The following KCNAB2 variants were observed in gnomAD, a reference collection of about 807,000 sequenced individuals.
KCNAB2 encodes the protein voltage-gated potassium channel subunit beta-2.
Under a neutral mutation model 63.6 loss-of-function variants are expected in KCNAB2, and 29 were observed. The ratio of observed to expected loss-of-function variants is 0.46; its 90% confidence interval spans 0.34 to 0.62. The LOEUF is 0.62. Among genes scored for constraint, KCNAB2 ranks in the 20% least tolerant of loss-of-function variants. KCNAB2 has a pLI of 0.01. For synonymous variants in KCNAB2, 222 were observed against 224.2 expected (o/e 0.99, Z 0.09); for missense variants, 359 against 563.9 (o/e 0.64, Z 3.68).
At chr1:6,042,735 A>C (rs1660594835), upstream of KCNAB2, among the ~76,000 whole-genome samples, 1 of 152,024 alleles carries the variant, frequency 6.6e-6, no homozygotes, top group African/African-American at 2.4e-5. Flanking sequence ...TCGGACCCGG[A>C]CATCTGGTAA....
At chr1:6,058,333 C>T (rs1662014677) in intron 2 of KCNAB2, among the ~76,000 whole-genome samples, 2 of 152,152 alleles carry the variant, frequency 1.3e-5, no homozygotes, top group Admixed American at 1.3e-4. Context: ...TGCCACAGGC[C>T]CCAAGGATTG....
chr1:6,095,364 C>T lies in KCNAB2; in HGVS notation c.774C>T (p.Pro258=). Residue 258 remains proline, a synonymous_variant, in exon 12 of 16, where the codon CCC becomes CCT. Coordinates refer to ENST00000378083, the MANE Select transcript of KCNAB2 (RefSeq NM_001199862.2). Reference sequence around the variant, plus strand: ...CCCGGCAGTTCAACCTGACCCCGCCCATCTGCGAGCAGGCTGAGTACCACA... The same window carrying T: ...CCCGGCAGTTCAACCTGACCCCGCCTATCTGCGAGCAGGCTGAGTACCACA... ...SVARQFNLTP[P]ICEQAEYHMF... 6.2e-7 allele frequency: 1 copy of T among 1,613,030 alleles called. No individual in the cohort carries two copies. The highest frequency in any genetic ancestry group is 8.5e-7 in the Non-Finnish European group (1 of 1,180,008).
At chr1:6,019,770 C>A (rs1399753185) in intron 1 of KCNAB2, among the ~76,000 whole-genome samples, 1 of 152,178 alleles carries the variant, frequency 6.6e-6, no homozygotes, top group Non-Finnish European at 1.5e-5. Context: ...AAGTCAGAAA[C>A]CTTGTGTGGA....
At chr1:6,004,231 T>G (rs1185473909) in intron 1 of KCNAB2, among the ~76,000 whole-genome samples, 1 of 151,818 alleles carries the variant, frequency 6.6e-6, no homozygotes, top group Non-Finnish European at 1.5e-5. Context: ...TAGAGGGTTT[T>G]TTTTTTTTTT....
chr1:6,045,031 T>C (rs1276010738), upstream of KCNAB2, among the ~76,000 whole-genome samples: 1 of 152,152 alleles, frequency 6.6e-6, no homozygotes, highest in Non-Finnish European at 1.5e-5. This position sits in a 1 kb window ranked among gnomAD's most constrained non-coding sequence, Gnocchi z 4.8. Context: ...AGAGTGGGCT[T>C]GGGCCTTTGG....
chr1:6,045,499 T>C (rs1660840662), upstream of KCNAB2, among the ~76,000 whole-genome samples: 1 of 152,096 alleles, frequency 6.6e-6, no homozygotes, highest in South Asian at 2.1e-4. The surrounding 1 kb of genome is among the most constrained non-coding windows in gnomAD (Gnocchi z 4.8). Context: ...GGAGTCCAAA[T>C]AGCAGGTTCT....
At chr1:6,065,342 G>C (rs931358208) in intron 2 of KCNAB2, among the ~76,000 whole-genome samples, 3 of 152,250 alleles carry the variant, frequency 2.0e-5, no homozygotes, top group Admixed American at 2.0e-4. Context: ...CAGGCGGCTT[G>C]TGCATCCTGC....
In KCNAB2 at chr1:6,082,179, G is replaced by A. The variant is rs868737365; in HGVS notation, c.301-16G>A. 9.9e-6 allele frequency: 16 copies of A among 1,611,754 alleles called. No homozygotes were observed. The highest frequency in any genetic ancestry group is 1.6e-4 in the Middle Eastern group (1 of 6,078). On this transcript the variant is annotated splice_polypyrimidine_tract_variant and intron_variant, in intron 4 of 15. Transcript: ENST00000378083. Reference sequence around the variant, plus strand: ...CACCCCCGGCTGGCAGGACAGTGTCGGTTTTCTCGTTTCAGATGGCAGAGC... The same window carrying A: ...CACCCCCGGCTGGCAGGACAGTGTCAGTTTTCTCGTTTCAGATGGCAGAGC...
chr1:6,086,505 G>T lies in KCNAB2; in HGVS notation c.426-962G>T. On this transcript the variant is annotated intron_variant, in intron 6 of 15. Transcript: ENST00000378083. This position sits in a 1 kb window ranked among gnomAD's most constrained non-coding sequence, Gnocchi z 4.2. ...AGAGGAGGCCTCCTACTCCAGCCTC[G>T]TGAGCTGCTTCCCTGAGCAGCCCGG... 1.9e-6 allele frequency: 1 copy of T among 527,356 alleles called. No individual in the cohort carries two copies. The highest frequency in any genetic ancestry group is 2.4e-6 in the Non-Finnish European group (1 of 411,734). 32.7% of individuals were successfully genotyped at this position (527,356 alleles called of 1,614,324 possible). A position where few individuals can be genotyped will look rare whatever the true frequency, so the allele number is the denominator to read the frequency against.
intron 2 of KCNAB2, among the ~76,000 whole-genome samples, chr1:6,061,518 T>C (rs919286138): frequency 6.6e-6 from 1 of 152,216 alleles, no homozygotes; most frequent in Non-Finnish European, 1.5e-5. Flanking sequence ...CCTGGCACCA[T>C]TGACACTTGG....
At chr1:5,999,807 TCTGCACCCTGC>T (rs977691349) in intron 1 of KCNAB2, among the ~76,000 whole-genome samples, 2 of 152,034 alleles carry the variant, frequency 1.3e-5, no homozygotes, top group Non-Finnish European at 2.9e-5. Context: ...CTGCACCGTG[TCTGCACCCTGC>T]CTGCGCCCTG....
At chr1:6,089,143 A>G in intron 8 of KCNAB2, 92 bp downstream of exon 8, 2 of 1,355,638 alleles carry the variant, frequency 1.5e-6, no homozygotes, top group Non-Finnish European at 2.0e-6. Context: ...CGACCCCCCC[A>G]GTTAACCCAC....
At chr1:6,025,840 A>G (rs76852674) in intron 1 of KCNAB2, among the ~76,000 whole-genome samples, 21,165 of 143,132 alleles carry the variant, frequency 0.15, 2,068 homozygotes, top group East Asian at 0.28. Context: ...AGCCCACCCC[A>G]GCACACAGCC....
chr1:6,006,898 C>A (rs1392427621), intron 1 of KCNAB2, among the ~76,000 whole-genome samples: 2 of 151,920 alleles, frequency 1.3e-5, no homozygotes, highest in African/African-American at 4.8e-5. Flanking sequence ...ATGATAAGAG[C>A]TGTTGTCGAG....
intron 2 of KCNAB2, among the ~76,000 whole-genome samples, chr1:6,060,469 C>T (rs184430342): frequency 6.6e-6 from 1 of 152,342 alleles, no homozygotes; most frequent in African/African-American, 2.4e-5. Flanking sequence ...CTCAACTGTT[C>T]AACATCCTCT....
Position 6,099,732 on chromosome 1 carries a change from A to G in KCNAB2, c.*1158A>G. The stretch of plus-strand genomic sequence containing the variant: ...GGCTGCACCCCCACAGCACCCCCAC[A>G]ATGTAGGAAAAGACCTCAGGGAACC... On this transcript the variant is annotated 3_prime_UTR_variant, in exon 16 of 16. Coordinates refer to ENST00000378083, the MANE Select transcript of KCNAB2 (RefSeq NM_001199862.2). 6.9e-7 allele frequency: 1 copy of G among 1,446,526 alleles called. No individual in the cohort carries two copies. Among genetic ancestry groups the G allele is most frequent in the African/African-American group, 1.4e-5 (1 of 69,722 alleles). The allele number at this position is 1,446,526 out of a possible 1,614,324, so 89.6% of individuals were successfully genotyped here.
chr1:6,012,003 A>C (rs1658176891), intron 1 of KCNAB2, among the ~76,000 whole-genome samples: 1 of 149,744 alleles, frequency 6.7e-6, no homozygotes, highest in Non-Finnish European at 1.5e-5. Context: ...GGCAGAGGCC[A>C]TGGTGGTGGT....
intron 5 of KCNAB2, among the ~76,000 whole-genome samples, chr1:6,082,882 G>A (rs1190481155): frequency 6.6e-6 from 1 of 152,132 alleles, no homozygotes; most frequent in African/African-American, 2.4e-5. Context: ...TCCTGCCTGG[G>A]GCCAGCCAAG....
In KCNAB2 at chr1:6,095,598, C is replaced by T. The variant is rs1665552760; in HGVS notation, c.922C>T (p.Pro308Ser). ...TTCTGGCAAGTACGACAGTGGCATC[C>T]CACCCTACTCAAGAGCCTCCTTGAA... The part of the protein sequence containing the change: ...IVSGKYDSGI[P>S]PYSRASLKGY... Residue 308 changes from proline (P) to serine (S), a missense_variant, in exon 13 of 16, where the codon CCA becomes TCA. Physicochemically the swap from Pro to Ser is moderately conservative, Grantham distance 74. Around this residue, in one of 2 missense-constraint regions of KCNAB2, gnomAD observed 271 missense variants for 476.1 expected, o/e 0.57. Transcript: ENST00000378083. 1.2e-6 allele frequency: 2 copies of T among 1,613,432 alleles called. No individual in the cohort carries two copies. Among genetic ancestry groups the T allele is most frequent in the Non-Finnish European group, 1.7e-6 (2 of 1,180,000 alleles).
Sources: gnomAD v4.1 joint callset for allele counts (sites outside exome capture counted in the v4.1 genomes callset) on GRCh38, gnomAD v4.1.1 for gene constraint, gnomAD v4.1.1 regional missense constraint, Gnocchi (gnomAD v3.1) non-coding constraint, MANE v1.5 for transcripts, NCBI Gene and HGNC (gene_info 2026-07-23, HGNC 2026-07-21) for gene names.